DCUN1D1: variants seen among roughly 807,000 people sequenced by gnomAD.
DCUN1D1 encodes the protein defective in cullin neddylation 1 domain containing 1, also known as DCN1-like protein 1.
Under a neutral mutation model 39.0 loss-of-function variants are expected in DCUN1D1, and 3 were observed. That is an observed-to-expected ratio of 0.08 (90% CI 0.04 to 0.20). The LOEUF (loss-of-function observed/expected upper bound fraction) is 0.20. Ranked by LOEUF, DCUN1D1 falls within the 10% of genes least tolerant of loss-of-function variation. The pLI is 1.00. For missense variants in DCUN1D1, 158 were observed against 302.4 expected, an observed-to-expected ratio of 0.52 and a Z score of 3.54; for synonymous variants, 82 against 96.3, an observed-to-expected ratio of 0.85 and a Z score of 0.87.
At chr3:182,946,522 A>G (rs1265004076) in intron 6 of DCUN1D1, among the ~76,000 whole-genome samples, 1 of 135,148 alleles carries the variant, frequency 7.4e-6, no homozygotes, top group Non-Finnish European at 1.5e-5. Flanking sequence ...GCGCCACTGC[A>G]CTCCAGCCTG....
At chr3:182,962,591 C>G (rs970377750) in intron 3 of DCUN1D1, among the ~76,000 whole-genome samples, 3 of 152,192 alleles carry the variant, frequency 2.0e-5, no homozygotes, top group African/African-American at 7.2e-5. Flanking sequence ...AGATCTGAAT[C>G]TCAGCCTTGT....
At chr3:182,955,587 AG>A (rs1232525612) in intron 4 of DCUN1D1, 2 of 476,604 alleles carry the variant, frequency 4.2e-6, no homozygotes, top group Non-Finnish European at 8.2e-6. Context: ...CTCCATCAGG[AG>A]GGTTTTTTTT....
intron 1 of DCUN1D1, among the ~76,000 whole-genome samples, chr3:182,972,326 T>C (rs147079643): frequency 1.6e-4 from 25 of 152,208 alleles, no homozygotes; most frequent in Non-Finnish European, 3.1e-4. Flanking sequence ...AGAAAATATA[T>C]GGAAATATGT....
At chr3:182,946,329 G>A (rs1361791566) in intron 6 of DCUN1D1, among the ~76,000 whole-genome samples, 3 of 151,930 alleles carry the variant, frequency 2.0e-5, no homozygotes, top group Non-Finnish European at 4.4e-5. Flanking sequence ...AGACCGAGGC[G>A]GGTGGATGAC....
At chr3:182,984,108 A>C (rs555626332), upstream of DCUN1D1, among the ~76,000 whole-genome samples, 18 of 152,286 alleles carry the variant, frequency 1.2e-4, no homozygotes, top group East Asian at 2.9e-3. Context: ...TAATGAAAAG[A>C]AAGAGATATG....
At position 182,940,162 on chromosome 3, in the gene DCUN1D1, T is replaced by C. The variant is rs531570913; in HGVS notation, c.*4932A>G. ...GGTCTTCCCCCAACCTTATGCCCTA[T>C]AGTATTTCTTTTTGTAAAAATCTCT... On this transcript the variant is annotated 3_prime_UTR_variant, in exon 7 of 7. Transcript: ENST00000292782. 3 of 152,336 alleles carry C rather than the reference T, an allele frequency of 2.0e-5. No individual in the cohort carries two copies. Among genetic ancestry groups the C allele is most frequent in the African/African-American group, 4.8e-5 (2 of 41,576 alleles). The allele number at this position is 152,336 out of a possible 1,614,324, so 9.4% of individuals were successfully genotyped here. A position where few individuals can be genotyped will look rare whatever the true frequency, so the allele number is the denominator to read the frequency against.
At chr3:182,968,323 G>A (rs188551279) in intron 1 of DCUN1D1, among the ~76,000 whole-genome samples, 1 of 152,300 alleles carries the variant, frequency 6.6e-6, no homozygotes, top group Admixed American at 6.5e-5. Context: ...TTATCATATA[G>A]TTTTAAATCC....
intron 1 of DCUN1D1, chr3:182,980,244 C>A (rs1248363463): frequency 6.8e-6 from 2 of 295,312 alleles, no homozygotes; most frequent in African/African-American, 4.5e-5. Flanking sequence ...CCCCGGGGCT[C>A]CCGACTAGGC....
chr3:182,980,463 G>T lies in DCUN1D1; in HGVS notation c.3+24C>A, dbSNP rs762638678. On this transcript the variant is annotated intron_variant, in intron 1 of 6. Transcript: ENST00000292782. ...AGCGCCGGCCCCCAGCCGGCAGGGC[G>T]GGCGGGCGGCCGCAGTGCCTCACCA... 8 of 1,162,898 alleles carry T rather than the reference G, an allele frequency of 6.9e-6. No homozygotes were observed. The East Asian group carries it at 3.3e-4, about 48-fold the overall frequency. The allele number at this position is 1,162,898 out of a possible 1,614,324, so 72.0% of individuals were successfully genotyped here.
At chr3:182,952,551 A>G (rs1352779326) in intron 4 of DCUN1D1, among the ~76,000 whole-genome samples, 1 of 152,124 alleles carries the variant, frequency 6.6e-6, no homozygotes, top group Non-Finnish European at 1.5e-5. Flanking sequence ...TTACCTCTAT[A>G]GACCTGCTCT....
chr3:182,955,376 T>C (rs1726986832), intron 4 of DCUN1D1: 1 of 539,916 alleles, frequency 1.9e-6, no homozygotes, highest in Admixed American at 2.0e-5. Flanking sequence ...TTCCTGGTTC[T>C]TTATTGAACA....
chr3:182,968,669 A>G (rs1413794511), intron 1 of DCUN1D1, among the ~76,000 whole-genome samples: 1 of 151,476 alleles, frequency 6.6e-6, no homozygotes, highest in African/African-American at 2.4e-5. Flanking sequence ...GCACCATCTC[A>G]GCTCACTGCA....
At chr3:182,959,392 G>A (rs1314172838) in intron 4 of DCUN1D1, among the ~76,000 whole-genome samples, 5 of 143,474 alleles carry the variant, frequency 3.5e-5, no homozygotes, top group East Asian at 2.1e-4. Flanking sequence ...AATCTAATCC[G>A]TTCATATAAT....
chr3:182,974,246 CCT>C (rs1728095934), intron 1 of DCUN1D1, among the ~76,000 whole-genome samples: 1 of 151,772 alleles, frequency 6.6e-6, no homozygotes, highest in African/African-American at 2.4e-5. Context: ...AGAGTGAGAC[CCT>C]GTCTCAAAAA....
chr3:182,966,935 C>G (rs1488152422), intron 1 of DCUN1D1, among the ~76,000 whole-genome samples: 1 of 151,936 alleles, frequency 6.6e-6, no homozygotes, highest in Admixed American at 6.6e-5. Flanking sequence ...GGTGAAACCC[C>G]GTCTCTACTA....
intron 1 of DCUN1D1, among the ~76,000 whole-genome samples, chr3:182,972,138 A>G (rs1395698347): frequency 6.6e-6 from 1 of 151,604 alleles, no homozygotes; most frequent in Non-Finnish European, 1.5e-5. Flanking sequence ...TACAACAGAA[A>G]GAAAAATGTA....
rs536158016 is a variant in DCUN1D1, at chr3:182,942,684, C to T, written c.*2410G>A. 3 of 152,114 alleles carry T rather than the reference C, an allele frequency of 2.0e-5. No individual in the cohort carries two copies. Among genetic ancestry groups the T allele is most frequent in the South Asian group, 2.1e-4 (1 of 4,812 alleles). 9.4% of individuals were successfully genotyped at this position (152,114 alleles called of 1,614,324 possible). On this transcript the variant is annotated 3_prime_UTR_variant, in exon 7 of 7. Transcript: ENST00000292782. ...TTAGGAGTTAAAGCAATTCAAGGGG[C>T]GTGTGTGTGTCTCTCCCTTTCTCTG...
chr3:182,973,051 A>C (rs941880882), intron 1 of DCUN1D1, among the ~76,000 whole-genome samples: 1 of 151,416 alleles, frequency 6.6e-6, no homozygotes, highest in Non-Finnish European at 1.5e-5. Context: ...TCAAAAAAAA[A>C]GGGGGGGGCT....
rs1329999519 is a variant in DCUN1D1 at position 182,941,819 on chromosome 3, C to T, written c.*3275G>A. 4 of 152,104 alleles carry T rather than the reference C, an allele frequency of 2.6e-5. No homozygotes were observed. The East Asian group carries it at 7.7e-4, about 29-fold the overall frequency. The allele number at this position is 152,104 out of a possible 1,614,324, so 9.4% of individuals were successfully genotyped here. ...TTTCCCCAGCACCACTTTTTTATTCCAAAACTCCTTCGATTAGGTTTAACT... is the reference window on the plus strand; with the variant it reads ...TTTCCCCAGCACCACTTTTTTATTCTAAAACTCCTTCGATTAGGTTTAACT... On this transcript the variant is annotated 3_prime_UTR_variant, in exon 7 of 7. Transcript: ENST00000292782.
Sources: gnomAD v4.1 joint callset for allele counts (sites outside exome capture counted in the v4.1 genomes callset) on GRCh38, gnomAD v4.1.1 for gene constraint, MANE v1.5 for transcripts, NCBI Gene and HGNC (gene_info 2026-07-23, HGNC 2026-07-21) for gene names.